Variants in ALX4 observed in about 807,000 individuals in gnomAD.
ALX4 encodes the protein homeobox protein aristaless-like 4.
In ALX4, 22 loss-of-function variants were observed where a neutral mutation model predicts 40.6. The observed-to-expected ratio is 0.54, with a 90% CI of 0.39 to 0.77. ALX4 has a LOEUF of 0.77. Among genes scored for constraint, ALX4 ranks in the 30% least tolerant of loss-of-function variants. The pLI, the probability that ALX4 is intolerant of heterozygous loss-of-function variation, is 0.00. For synonymous variants in ALX4, 266 were observed against 240.5 expected (o/e 1.11, Z -0.98); for missense variants, 556 against 564.8 (o/e 0.98, Z 0.16).
chr11:44,290,236 T>G (rs940886607), intron 1 of ALX4, among the ~76,000 whole-genome samples: 1 of 152,196 alleles, frequency 6.6e-6, no homozygotes, highest in African/African-American at 2.4e-5. Context: ...ACCAAGACAC[T>G]GTAATATCAC....
intron 1 of ALX4, among the ~76,000 whole-genome samples, chr11:44,284,328 C>A (rs763665582): frequency 6.6e-6 from 1 of 152,060 alleles, no homozygotes; most frequent in African/African-American, 2.4e-5. Flanking sequence ...GCTCTGAGAG[C>A]GGGCTGGGCT....
At chr11:44,296,558 A>G (rs1159105974) in intron 1 of ALX4, among the ~76,000 whole-genome samples, 1 of 152,246 alleles carries the variant, frequency 6.6e-6, no homozygotes, top group Non-Finnish European at 1.5e-5. Flanking sequence ...CAAATCATGT[A>G]TCTGAAAAGG....
intron 1 of ALX4, among the ~76,000 whole-genome samples, chr11:44,299,655 G>A (rs1169460596): frequency 6.6e-6 from 1 of 151,990 alleles, no homozygotes; most frequent in Non-Finnish European, 1.5e-5. Flanking sequence ...CCACTGCACC[G>A]TGCCCTGGGG....
rs946693462 is a variant in ALX4 at position 44,281,393 on chromosome 11, G to T, written c.467-5735C>A. The stretch of plus-strand genomic sequence containing the variant: ...GATCCGCGTGGGTGGGTGTGGACAT[G>T]GGTGGTGTGGGCCTGTGTGGAGCCG... On this transcript the variant is annotated intron_variant, in intron 1 of 3. Transcript: ENST00000652299. 3.9e-5 allele frequency among the ~76,000 whole-genome samples: 6 copies of T among 151,908 alleles called. No homozygotes were observed. The South Asian group carries it at 1.3e-3, about 32-fold the overall frequency.
intron 1 of ALX4, among the ~76,000 whole-genome samples, chr11:44,279,203 A>G (rs536644567): frequency 6.6e-6 from 1 of 152,226 alleles, no homozygotes; most frequent in Admixed American, 6.5e-5. Flanking sequence ...GACCCAGCCC[A>G]TGTCTGTCTC....
At chr11:44,289,070 C>T (rs976255398) in intron 1 of ALX4, among the ~76,000 whole-genome samples, 9 of 152,168 alleles carry the variant, frequency 5.9e-5, no homozygotes, top group African/African-American at 1.2e-4. Context: ...GGGACAAGCA[C>T]GGTCAAGTGT....
chr11:44,287,164 A>G (rs1956343561), intron 1 of ALX4, among the ~76,000 whole-genome samples: 1 of 152,186 alleles, frequency 6.6e-6, no homozygotes, highest in Non-Finnish European at 1.5e-5. Context: ...CTCACACAGA[A>G]GCTCTCTCAG....
At chr11:44,293,084 G>A (rs1299123516) in intron 1 of ALX4, among the ~76,000 whole-genome samples, 1 of 147,304 alleles carries the variant, frequency 6.8e-6, no homozygotes, top group African/African-American at 2.5e-5. Flanking sequence ...GGGTGATAGT[G>A]AGACCCTGTC....
rs1391905079 is a variant in ALX4, at chr11:44,261,064, T to TG, written c.*3789dup. 6.6e-6 allele frequency: 1 copy of TG among 152,186 alleles called. No homozygotes were observed. Among genetic ancestry groups the TG allele is most frequent in the African/African-American group, 2.4e-5 (1 of 41,416 alleles). The allele number at this position is 152,186 out of a possible 1,614,324, so 9.4% of individuals were successfully genotyped here. A position where few individuals can be genotyped will look rare whatever the true frequency, so the allele number is the denominator to read the frequency against. On this transcript the variant is annotated 3_prime_UTR_variant, in exon 4 of 4. Transcript: ENST00000652299. ...CTACAGCATCCTGAAAGAAGTGAAG[T>TG]GGGGTTGATGGGTCATTGTCACCTT...
chr11:44,277,605 T>G (rs1956285222), intron 1 of ALX4, among the ~76,000 whole-genome samples: 1 of 152,224 alleles, frequency 6.6e-6, no homozygotes, highest in Non-Finnish European at 1.5e-5. Flanking sequence ...GAATGATGCC[T>G]CTAGTCCAGG....
chr11:44,281,340 T>A (rs969836137), intron 1 of ALX4, among the ~76,000 whole-genome samples: 7 of 152,016 alleles, frequency 4.6e-5, no homozygotes, highest in African/African-American at 1.7e-4. Context: ...GGGATGTGTG[T>A]CCCCGTGGGC....
intron 1 of ALX4, among the ~76,000 whole-genome samples, chr11:44,281,797 A>G (rs1371734267): frequency 6.6e-6 from 1 of 152,152 alleles, no homozygotes; most frequent in Admixed American, 6.5e-5. Flanking sequence ...CAGTCCCAAT[A>G]AATAATGCCA....
chr11:44,285,268 A>G (rs1956332063), intron 1 of ALX4, among the ~76,000 whole-genome samples: 1 of 152,254 alleles, frequency 6.6e-6, no homozygotes, highest in East Asian at 1.9e-4. Context: ...CCCAGCCTAT[A>G]AACATTTTAG....
intron 1 of ALX4, among the ~76,000 whole-genome samples, chr11:44,309,257 T>C (rs887640521): frequency 2.0e-4 from 27 of 133,830 alleles, no homozygotes; most frequent in African/African-American, 7.1e-4. Flanking sequence ...GGAGACTCCT[T>C]GCCGCCGCAC....
rs781008520 is a variant in ALX4, at chr11:44,264,098, A to T, written c.*756T>A. On this transcript the variant is annotated 3_prime_UTR_variant, in exon 4 of 4. Coordinates refer to ENST00000652299, the MANE Select transcript of ALX4 (RefSeq NM_021926.4). ...GGCATCTGTGTTCTCAGCCTCCCTC[A>T]GGTCTGGCTCCTCCCCTATAGTGTC... The T allele has an allele frequency of 2.0e-5, 3 of 152,460 alleles. No individual in the cohort carries two copies. The highest frequency in any genetic ancestry group is 4.4e-5 in the Non-Finnish European group (3 of 68,260). The allele number at this position is 152,460 out of a possible 1,614,324, so 9.4% of individuals were successfully genotyped here. A position where few individuals can be genotyped will look rare whatever the true frequency, so the allele number is the denominator to read the frequency against.
rs372830230 is a variant in ALX4, at chr11:44,309,875, C to T, written c.188G>A (p.Arg63Gln). 1.0e-4 allele frequency: 157 copies of T among 1,572,928 alleles called. 1 individual carries two copies. In the East Asian group the frequency reaches 1.2e-3, roughly 12 times the overall value. The change falls in exon 1 of 4, where the codon CGG becomes CAG. Residue 63 changes from arginine to glutamine, a missense_variant. Transcript: ENST00000652299. Reference protein sequence around the residue: ...KAQGFGDAKSRARYGAGQQDL... With the variant: ...KAQGFGDAKSQARYGAGQQDL... ...CTGCTGCCCAGCGCCGTAACGGGCC[C>T]GGCTCTTGGCGTCCCCGAATCCCTG...
intron 1 of ALX4, among the ~76,000 whole-genome samples, chr11:44,276,888 A>G (rs1417607848): frequency 6.6e-6 from 1 of 152,110 alleles, no homozygotes; most frequent in African/African-American, 2.4e-5. Flanking sequence ...ACTTGCAGTA[A>G]TGCTTGCTCA....
chr11:44,269,786 G>A (rs1956234498), intron 2 of ALX4, among the ~76,000 whole-genome samples: 1 of 152,186 alleles, frequency 6.6e-6, no homozygotes, highest in Non-Finnish European at 1.5e-5. Flanking sequence ...TGGGAGACTG[G>A]GGCCAGGATG....
intron 1 of ALX4, among the ~76,000 whole-genome samples, chr11:44,291,842 G>A (rs781400303): frequency 6.6e-6 from 1 of 151,970 alleles, no homozygotes; most frequent in Non-Finnish European, 1.5e-5. Context: ...TTATAGAGAC[G>A]GAGTCTCGCT....
Sources: gnomAD v4.1 joint callset for allele counts (sites outside exome capture counted in the v4.1 genomes callset) on GRCh38, gnomAD v4.1.1 for gene constraint, MANE v1.5 for transcripts, NCBI Gene and HGNC (gene_info 2026-07-23, HGNC 2026-07-21) for gene names.